The following BOD1L1 variants were observed in gnomAD, a reference collection of about 807,000 sequenced individuals.
The protein encoded by BOD1L1 is biorientation of chromosomes in cell division protein 1-like 1.
In BOD1L1, 86 loss-of-function variants were observed where a neutral mutation model predicts 240.7. That is an observed-to-expected ratio of 0.36 (90% CI 0.30 to 0.43). The LOEUF is 0.43. Among genes scored for constraint, BOD1L1 ranks in the 20% least tolerant of loss-of-function variants. The probability of loss-of-function intolerance (pLI) is 1.00; values close to 1 mark genes in which losing one functional copy is unlikely to be tolerated. For missense variants in BOD1L1, 3,554 were observed against 3,643.5 expected (o/e 0.98, Z 0.63); for synonymous variants, 1,268 against 1,272.3 (o/e 1.00, Z 0.07).
chr4:13,624,897 G>A (rs1233904879), intron 1 of BOD1L1: 2 of 152,202 alleles, frequency 1.3e-5, no homozygotes, highest in African/African-American at 2.4e-5. Context: ...AGTCTTTGAG[G>A]TTCAAGTGGC....
intron 13 of BOD1L1, among the ~76,000 whole-genome samples, chr4:13,590,986 G>A (rs1407614056): frequency 6.6e-6 from 1 of 152,054 alleles, no homozygotes; most frequent in Non-Finnish European, 1.5e-5. Flanking sequence ...AAGGGACTGA[G>A]GTAGGATGGA....
rs145729762 is a variant in BOD1L1 at position 13,602,121 on chromosome 4, C to T, written c.4779G>A (p.Gly1593=). The change falls in exon 10 of 26, where the codon GGG becomes GGA. Residue 1593 remains glycine, a synonymous_variant. Transcript: ENST00000040738. The part of the protein sequence containing the change: ...CTVFAAAEEG[G]AVVTEGFAES... ...CAGCAAATCCCTCTGTGACAACAGC[C>T]CCACCTTCTTCAGCTGCAGCAAAAA... The T allele has an allele frequency of 6.2e-7, 1 of 1,614,004 alleles. No homozygotes were observed. Among genetic ancestry groups the T allele is most frequent in the Non-Finnish European group, 8.5e-7 (1 of 1,179,892 alleles).
Position 13,603,354 on chromosome 4 carries a change from C to T in BOD1L1, c.3546G>A (p.Lys1182=). 1.2e-6 allele frequency: 2 copies of T among 1,613,984 alleles called. No individual in the cohort carries two copies. Among genetic ancestry groups the T allele is most frequent in the Non-Finnish European group, 1.7e-6 (2 of 1,179,892 alleles). The part of the protein sequence containing the change: ...ADSKATAPAY[K]PGRGTGVNSN... ...TATTAACTCCTGTTCCACGGCCTGGCTTATAAGCTGGAGCTGTTGCTTTTG... is the reference window on the plus strand; with the variant it reads ...TATTAACTCCTGTTCCACGGCCTGGTTTATAAGCTGGAGCTGTTGCTTTTG... Residue 1182 remains lysine, a synonymous_variant, in exon 10 of 26, where the codon AAG becomes AAA. Coordinates refer to ENST00000040738, the MANE Select transcript of BOD1L1 (RefSeq NM_148894.3).
chr4:13,596,827 C>T (rs1714655842), intron 11 of BOD1L1, among the ~76,000 whole-genome samples: 1 of 152,050 alleles, frequency 6.6e-6, no homozygotes, highest in Admixed American at 6.6e-5. Context: ...GGAAATGGAA[C>T]CTGTAAGAAA....
At chr4:13,596,844 T>C (rs916379555) in intron 11 of BOD1L1, among the ~76,000 whole-genome samples, 3 of 152,260 alleles carry the variant, frequency 2.0e-5, no homozygotes, top group African/African-American at 7.2e-5. Flanking sequence ...GAAATGGCGA[T>C]AGATTAAATG....
In BOD1L1 at chr4:13,601,294, T is replaced by C. The variant is rs1317227941; in HGVS notation, c.5606A>G (p.Asp1869Gly). The change falls in exon 10 of 26, where the codon GAT (aspartate) becomes GGT (glycine). Residue 1869 changes from aspartate to glycine, a missense_variant. By Grantham distance (94) the Asp-to-Gly change is moderately conservative. This residue lies in a region of BOD1L1 where 3,393 missense variants were observed against 3,427.1 expected (regional missense o/e 0.99). Transcript: ENST00000040738. ...TCCTCTTCCAGTACTAGTCACAACA[T>C]CCTCCCCTTCCTCGTCTTCCTCTTT... The part of the protein sequence containing the change: ...GAKEEDEEGE[D>G]VVTSTGRGNE... 8 of 1,613,824 alleles carry C rather than the reference T, an allele frequency of 5.0e-6. No homozygotes were observed. In the South Asian group the frequency reaches 7.7e-5, roughly 16 times the overall value.
intron 12 of BOD1L1, among the ~76,000 whole-genome samples, chr4:13,595,603 A>G (rs1276940161): frequency 3.9e-5 from 6 of 152,254 alleles, no homozygotes; most frequent in Non-Finnish European, 7.3e-5. Context: ...CTCCAAAACA[A>G]CTTTCGTTTT....
chr4:13,572,667 G>A, intron 25 of BOD1L1: 3 of 1,283,814 alleles, frequency 2.3e-6, no homozygotes, highest in Non-Finnish European at 3.0e-6. Context: ...GTCTTAGGGG[G>A]TTAAAAATGG....
At position 13,608,612 on chromosome 4, in the gene BOD1L1, C is replaced by T. The variant is rs545575821; in HGVS notation, c.1660G>A (p.Ala554Thr). Reference protein sequence around the residue: ...SSTKSLEPKAARIKEVLKERK... With the variant: ...SSTKSLEPKATRIKEVLKERK... ...TCTTTAAGGACTTCTTTAATTCTGG[C>T]GGCTTTAGGTTCCAAACTCTTTGTT... is the stretch of plus-strand genomic sequence containing the variant. Residue 554 changes from alanine (A) to threonine (T), a missense_variant, in exon 8 of 26, where the codon GCC becomes ACC. Transcript: ENST00000040738. 199 of 1,558,840 alleles carry T rather than the reference C, an allele frequency of 1.3e-4. No individual in the cohort carries two copies. The highest frequency in any genetic ancestry group is 7.3e-5 in the South Asian group (6 of 82,124).
intron 10 of BOD1L1, among the ~76,000 whole-genome samples, chr4:13,598,396 G>C (rs570570656): frequency 6.6e-6 from 1 of 152,214 alleles, no homozygotes; most frequent in East Asian, 1.9e-4. Flanking sequence ...GGTTGGAATC[G>C]TGTTTGCCTT....
rs114514730 is a variant in BOD1L1, at chr4:13,598,935, C to T, written c.7954+11G>A. ...AAATATTAAAATTTGCAATTAGGTA[C>T]AGATTCTCACCTATGTCACACACAT... On this transcript the variant is annotated intron_variant, in intron 10 of 25. Transcript: ENST00000040738. 1,260 of 1,583,630 alleles carry T rather than the reference C, an allele frequency of 8.0e-4. 9 individuals are homozygous for T. In the African/African-American group the frequency reaches 0.015, roughly 19 times the overall value.
In BOD1L1 at chr4:13,605,074, T is replaced by C; in HGVS notation, c.1826A>G (p.Lys609Arg). 1 of 1,546,212 alleles carries C rather than the reference T, an allele frequency of 6.5e-7. No individual in the cohort carries two copies. The highest frequency in any genetic ancestry group is 8.7e-7 in the Non-Finnish European group (1 of 1,154,234). ...ETLKTSEHCE[K>R]EKISSSKELK... Reference sequence around the variant, plus strand: ...CTCCTTTGAAGAAGAAATTTTTTCCTTTTCACAATGCTGAAAGAAAACAAA... The same window carrying C: ...CTCCTTTGAAGAAGAAATTTTTTCCCTTTCACAATGCTGAAAGAAAACAAA... Residue 609 changes from lysine to arginine, a missense_variant, in exon 10 of 26, where the codon AAG becomes AGG. Transcript: ENST00000040738.
Position 13,613,440 on chromosome 4 carries a change from A to G in BOD1L1, c.1324+72T>C. ...CTACTATACCACACTGTTTCTCAGG[A>G]TATAGCCATCAGAATATACAAATAA... On this transcript the variant is annotated intron_variant, in intron 5 of 25. Transcript: ENST00000040738. The surrounding 1 kb of genome is among the most constrained non-coding windows in gnomAD (Gnocchi z 4.0). The G allele has an allele frequency of 1.5e-6, 2 of 1,377,456 alleles. No individual in the cohort carries two copies. Among genetic ancestry groups the G allele is most frequent in the Non-Finnish European group, 1.0e-6 (1 of 1,001,600 alleles). 85.3% of individuals were successfully genotyped at this position (1,377,456 alleles called of 1,614,324 possible). A position where few individuals can be genotyped will look rare whatever the true frequency, so the allele number is the denominator to read the frequency against.
chr4:13,569,817 T>A lies in BOD1L1; in HGVS notation c.*194A>T. The A allele has an allele frequency of 2.7e-6, 1 of 376,424 alleles. No homozygotes were observed. The highest frequency in any genetic ancestry group is 4.0e-5 in the East Asian group (1 of 25,160). The allele number at this position is 376,424 out of a possible 1,614,324, so 23.3% of individuals were successfully genotyped here. A position where few individuals can be genotyped will look rare whatever the true frequency, so the allele number is the denominator to read the frequency against. On this transcript the variant is annotated 3_prime_UTR_variant, in exon 26 of 26. Transcript: ENST00000040738. ...TAAACTTATTGTCCTTTATCTGAAA[T>A]AAATGTACATAATATCTTCTATGAA...
At chr4:13,626,349 C>G (rs1301426994) in intron 1 of BOD1L1, 1 of 142,074 alleles carries the variant, frequency 7.0e-6, no homozygotes, top group African/African-American at 2.7e-5. Flanking sequence ...AAAAAGGAAA[C>G]CCTCATTTCA....
chr4:13,585,811 T>C (rs1560185312), intron 17 of BOD1L1, among the ~76,000 whole-genome samples: 2 of 152,206 alleles, frequency 1.3e-5, no homozygotes, highest in Non-Finnish European at 2.9e-5. Context: ...AATGCTTTTA[T>C]AAAGAGGAGT....
At chr4:13,574,971 G>A (rs545948911) in intron 25 of BOD1L1, among the ~76,000 whole-genome samples, 2 of 151,662 alleles carry the variant, frequency 1.3e-5, no homozygotes, top group Admixed American at 1.3e-4. Context: ...CCAGGCTGGA[G>A]TGCAATGGCG....
chr4:13,603,218 T>C lies in BOD1L1; in HGVS notation c.3682A>G (p.Thr1228Ala), dbSNP rs1484380782. 1 of 1,614,006 alleles carries C rather than the reference T, an allele frequency of 6.2e-7. No individual in the cohort carries two copies. Among genetic ancestry groups the C allele is most frequent in the South Asian group, 1.1e-5 (1 of 91,076 alleles). The change falls in exon 10 of 26, where the codon ACT (threonine) becomes GCT (alanine). Residue 1228 changes from threonine to alanine, a missense_variant. Around this residue, in one of 2 missense-constraint regions of BOD1L1, gnomAD observed 3,393 missense variants for 3,427.1 expected, o/e 0.99. Transcript: ENST00000040738. ...TCAGAATCTATATTCACTTCAGTAG[T>C]TCCTCTATGAATGGGTTCTTTCTCC... ...PGEKEPIHRGTTEVNIDSETV... is the reference protein window; with the variant it reads ...PGEKEPIHRGATEVNIDSETV...
Position 13,600,167 on chromosome 4 carries a change from T to C in BOD1L1, c.6733A>G (p.Thr2245Ala), listed in dbSNP as rs375954298. 3.7e-6 allele frequency: 6 copies of C among 1,613,876 alleles called. No homozygotes were observed. In the African/African-American group the frequency reaches 6.7e-5, roughly 18 times the overall value. The change falls in exon 10 of 26, where the codon ACA becomes GCA. Residue 2245 changes from threonine to alanine, a missense_variant. Coordinates refer to ENST00000040738, the MANE Select transcript of BOD1L1 (RefSeq NM_148894.3). Reference sequence around the variant, plus strand: ...CTCCCGTCTTTTTCTTCCATGACTGTGCCAGCTCGCTCATTTTCACTTTCA... The same window carrying C: ...CTCCCGTCTTTTTCTTCCATGACTGCGCCAGCTCGCTCATTTTCACTTTCA... Reference protein sequence around the residue: ...VVESENERAGTVMEEKDGSGI... With the variant: ...VVESENERAGAVMEEKDGSGI...
Sources: gnomAD v4.1 joint callset for allele counts (sites outside exome capture counted in the v4.1 genomes callset) on GRCh38, gnomAD v4.1.1 for gene constraint, gnomAD v4.1.1 regional missense constraint, Gnocchi (gnomAD v3.1) non-coding constraint, MANE v1.5 for transcripts, NCBI Gene and HGNC (gene_info 2026-07-23, HGNC 2026-07-21) for gene names.